PRICKLE2: variants seen among roughly 807,000 people sequenced by gnomAD.
The protein encoded by PRICKLE2 is prickle-like protein 2.
PRICKLE2 carries 21 observed loss-of-function variants against 81.4 expected under a neutral mutation model. That is an observed-to-expected ratio of 0.26 (90% confidence interval 0.18 to 0.37). PRICKLE2 has a LOEUF of 0.37. Among genes scored for constraint, PRICKLE2 ranks in the 10% least tolerant of loss-of-function variants. The pLI is 1.00. For missense variants in PRICKLE2, 940 were observed against 1,109.0 expected (o/e 0.85, Z 2.16); for synonymous variants, 456 against 421.5 (o/e 1.08, Z -1.00).
intron 7 of PRICKLE2, among the ~76,000 whole-genome samples, chr3:64,128,343 G>C (rs2077143180): frequency 6.6e-6 from 1 of 152,236 alleles, no homozygotes; most frequent in African/African-American, 2.4e-5. Context: ...ACAGGATGCA[G>C]TGATTTTGCC....
intron 4 of PRICKLE2, among the ~76,000 whole-genome samples, chr3:64,158,293 C>G (rs2077671876): frequency 6.6e-6 from 1 of 152,198 alleles, no homozygotes; most frequent in South Asian, 2.1e-4. Flanking sequence ...TGAAATGTAT[C>G]TTAGAAAATG....
chr3:64,181,424 T>G (rs1396239426), intron 2 of PRICKLE2, among the ~76,000 whole-genome samples: 1 of 152,146 alleles, frequency 6.6e-6, no homozygotes, highest in Admixed American at 6.5e-5. Context: ...CATCCAAAAC[T>G]GGAGATACTG....
rs574539269 is a variant in PRICKLE2, at chr3:64,198,636, T to C, written c.144+148A>G. On this transcript the variant is annotated intron_variant, in intron 2 of 7. Transcript: ENST00000638394. ...TTCATTTCCCTTCCTCATTTTCCAC[T>C]GGGGCCCCTGGCATCTTCAACATAT... is the stretch of plus-strand genomic sequence containing the variant. The C allele has an allele frequency of 1.7e-5, 14 of 813,458 alleles. No homozygotes were observed. In the East Asian group the frequency reaches 3.3e-4, roughly 19 times the overall value. The allele number at this position is 813,458 out of a possible 1,614,324, so 50.4% of individuals were successfully genotyped here. A position where few individuals can be genotyped will look rare whatever the true frequency, so the allele number is the denominator to read the frequency against.
At chr3:64,196,406 A>T (rs2078454205) in intron 2 of PRICKLE2, among the ~76,000 whole-genome samples, 1 of 152,234 alleles carries the variant, frequency 6.6e-6, no homozygotes, top group Admixed American at 6.5e-5. Context: ...TCACTGGTGT[A>T]TCTAGGTATG....
chr3:64,201,218 C>A (rs1454049914), intron 1 of PRICKLE2, among the ~76,000 whole-genome samples: 1 of 152,162 alleles, frequency 6.6e-6, no homozygotes, highest in Non-Finnish European at 1.5e-5. Flanking sequence ...CATGAGCCAC[C>A]ACGCCTGGCC....
chr3:64,191,119 C>T (rs2078325253), intron 2 of PRICKLE2, among the ~76,000 whole-genome samples: 1 of 152,086 alleles, frequency 6.6e-6, no homozygotes, highest in Non-Finnish European at 1.5e-5. Context: ...AGAAAGGTTC[C>T]CATATTGGCA....
intron 5 of PRICKLE2, among the ~76,000 whole-genome samples, chr3:64,156,644 A>G (rs1343183455): frequency 6.6e-6 from 1 of 152,176 alleles, no homozygotes; most frequent in Non-Finnish European, 1.5e-5. Flanking sequence ...AGACATCCAA[A>G]TGAAGTATCC....
At chr3:64,157,506 G>T in intron 4 of PRICKLE2, 141 bp from the exon 5 acceptor site, 1 of 843,032 alleles carries the variant, frequency 1.2e-6, no homozygotes, top group Non-Finnish European at 1.9e-6. Context: ...GCTTTACACA[G>T]GCAGCAGGGC....
At chr3:64,113,693 C>T (rs905925419) in intron 7 of PRICKLE2, among the ~76,000 whole-genome samples, 7 of 152,112 alleles carry the variant, frequency 4.6e-5, no homozygotes, top group African/African-American at 1.7e-4. Context: ...CTTTGGTGGG[C>T]ATAAAGCCAG....
intron 7 of PRICKLE2, among the ~76,000 whole-genome samples, chr3:64,130,600 C>T (rs559335020): frequency 6.6e-6 from 1 of 152,296 alleles, no homozygotes; most frequent in South Asian, 2.1e-4. Flanking sequence ...CACACATGTA[C>T]ACCCAGAACC....
intron 2 of PRICKLE2, among the ~76,000 whole-genome samples, chr3:64,175,550 T>C (rs1164887464): frequency 6.6e-6 from 1 of 152,234 alleles, no homozygotes; most frequent in African/African-American, 2.4e-5. Context: ...TTTCTTCATA[T>C]GAAACTGAAT....
intron 7 of PRICKLE2, among the ~76,000 whole-genome samples, chr3:64,135,247 C>T (rs926897758): frequency 6.6e-6 from 1 of 152,176 alleles, no homozygotes; most frequent in Non-Finnish European, 1.5e-5. Context: ...GAGGTACAGT[C>T]TCTACTCTGC....
At chr3:64,119,898 C>A (rs2887153) in intron 7 of PRICKLE2, among the ~76,000 whole-genome samples, 1 of 152,260 alleles carries the variant, frequency 6.6e-6, no homozygotes, top group Admixed American at 6.5e-5. Flanking sequence ...GAGATCATGT[C>A]CTTTGTGGCA....
intron 7 of PRICKLE2, among the ~76,000 whole-genome samples, chr3:64,118,244 T>G (rs896378345): frequency 3.3e-5 from 5 of 152,056 alleles, no homozygotes; most frequent in Non-Finnish European, 5.9e-5. Flanking sequence ...ATAAAAACCT[T>G]GAAGAAAACC....
chr3:64,213,203 C>T (rs1037570863), intron 1 of PRICKLE2, among the ~76,000 whole-genome samples: 6 of 151,896 alleles, frequency 4.0e-5, no homozygotes, highest in African/African-American at 1.5e-4. Flanking sequence ...CAGCCTTCCA[C>T]CATCTAGCTG....
chr3:64,150,975 T>TA (rs748614431), intron 6 of PRICKLE2, among the ~76,000 whole-genome samples: 1 of 152,212 alleles, frequency 6.6e-6, no homozygotes, highest in Non-Finnish European at 1.5e-5. Flanking sequence ...GTTCTTTTTT[T>TA]ATTCCTTCTC....
intron 2 of PRICKLE2, among the ~76,000 whole-genome samples, chr3:64,249,261 C>G (rs2079406313): frequency 1.4e-5 from 2 of 144,306 alleles, no homozygotes; most frequent in Non-Finnish European, 3.1e-5. Flanking sequence ...GAAGGGGGAG[C>G]TGCCACACAC....
chr3:64,121,879 A>G (rs1379983027), intron 7 of PRICKLE2, among the ~76,000 whole-genome samples: 1 of 152,176 alleles, frequency 6.6e-6, no homozygotes, highest in African/African-American at 2.4e-5. Context: ...ACTGCCATAA[A>G]TACCAGTGAG....
At chr3:64,155,810 C>T (rs2077626929) in intron 5 of PRICKLE2, among the ~76,000 whole-genome samples, 1 of 151,974 alleles carries the variant, frequency 6.6e-6, no homozygotes, top group Admixed American at 6.6e-5. Flanking sequence ...ATGAAATGTC[C>T]AGAACATGTA....
Sources: allele counts gnomAD v4.1 joint callset (sites outside exome capture counted in the v4.1 genomes callset), GRCh38; gene constraint gnomAD v4.1.1; transcripts MANE v1.5; gene names NCBI Gene and HGNC (gene_info 2026-07-23, HGNC 2026-07-21).